NAALADL2: variants seen among roughly 807,000 people sequenced by gnomAD.
NAALADL2 encodes the protein inactive N-acetylated-alpha-linked acidic dipeptidase-like protein 2.
A neutral mutation model predicts 87.2 loss-of-function variants in NAALADL2; 76 were observed. That is an observed-to-expected ratio of 0.87 (90% CI 0.72 to 1.05). NAALADL2 has a LOEUF of 1.05. Among genes scored for constraint, NAALADL2 ranks in the 50% least tolerant of loss-of-function variants. The pLI, the probability that NAALADL2 is intolerant of heterozygous loss-of-function variation, is 0.00. For synonymous variants in NAALADL2, 354 were observed against 331.0 expected (o/e 1.07, Z -0.75); for missense variants, 1,089 against 945.8 (o/e 1.15, Z -1.99).
chr3:175,106,635 A>G (rs1723204843), intron 2 of NAALADL2, among the ~76,000 whole-genome samples: 1 of 152,086 alleles, frequency 6.6e-6, no homozygotes, highest in African/African-American at 2.4e-5. Flanking sequence ...GGTAATGATC[A>G]CATTCAGTAG....
intron 1 of NAALADL2, among the ~76,000 whole-genome samples, chr3:174,467,135 G>A (rs555834021): frequency 2.0e-5 from 3 of 152,092 alleles, no homozygotes; most frequent in African/African-American, 4.8e-5. Context: ...TTGCTAATGG[G>A]AGTAAAAAGT....
intron 2 of NAALADL2, among the ~76,000 whole-genome samples, chr3:174,723,982 A>G (rs372761038): frequency 5.9e-5 from 9 of 152,038 alleles, no homozygotes; most frequent in African/African-American, 2.2e-4. Context: ...GTTTGTTCAT[A>G]AGTTTTTTTG....
intron 11 of NAALADL2, among the ~76,000 whole-genome samples, chr3:175,679,500 T>C (rs1582873528): frequency 1.3e-5 from 2 of 152,182 alleles, no homozygotes; most frequent in East Asian, 3.8e-4. Flanking sequence ...TTTGCTCTTC[T>C]GTATAGTCTT....
At chr3:174,520,844 C>T (rs552123020) in intron 1 of NAALADL2, among the ~76,000 whole-genome samples, 2 of 152,188 alleles carry the variant, frequency 1.3e-5, no homozygotes, top group East Asian at 3.9e-4. Flanking sequence ...CTACAAGGAA[C>T]TCAACAAGAA....
At chr3:174,775,621 T>C (rs1578876436) in intron 3 of NAALADL2, among the ~76,000 whole-genome samples, 1 of 151,636 alleles carries the variant, frequency 6.6e-6, no homozygotes, top group African/African-American at 2.4e-5. Flanking sequence ...AGGAAAAGAG[T>C]GGAAGCAGGA....
At chr3:175,767,274 A>G (rs1748836934) in intron 13 of NAALADL2, among the ~76,000 whole-genome samples, 2 of 152,202 alleles carry the variant, frequency 1.3e-5, no homozygotes, top group Admixed American at 1.3e-4. Flanking sequence ...GAAGTTTATA[A>G]GGGCAATAAT....
intron 9 of NAALADL2, among the ~76,000 whole-genome samples, chr3:175,484,274 A>G (rs1299033055): frequency 6.6e-6 from 1 of 152,172 alleles, no homozygotes; most frequent in Non-Finnish European, 1.5e-5. Context: ...GAGCAGCATT[A>G]TAATCAGTAT....
chr3:175,153,660 A>G (rs1033126331), intron 2 of NAALADL2, among the ~76,000 whole-genome samples: 1 of 152,208 alleles, frequency 6.6e-6, no homozygotes, highest in African/African-American at 2.4e-5. Flanking sequence ...GATAGAAGAG[A>G]TCACCACTCA....
intron 10 of NAALADL2, among the ~76,000 whole-genome samples, chr3:175,586,771 C>G (rs2149589595): frequency 6.6e-6 from 1 of 152,238 alleles, no homozygotes; most frequent in Admixed American, 6.5e-5. Context: ...CAAATAATTT[C>G]TAATTAATGA....
chr3:174,737,949 G>T (rs575397639), intron 3 of NAALADL2, among the ~76,000 whole-genome samples: 2 of 151,898 alleles, frequency 1.3e-5, no homozygotes, highest in South Asian at 4.2e-4. Flanking sequence ...CATTTTCTTT[G>T]GGTAGCATTA....
intron 1 of NAALADL2, among the ~76,000 whole-genome samples, chr3:174,518,065 AATGT>A (rs1372286856): frequency 3.9e-5 from 6 of 152,054 alleles, no homozygotes; most frequent in Non-Finnish European, 5.9e-5. Flanking sequence ...AAAACTGGAG[AATGT>A]ATGCCCTATT....
chr3:174,828,167 CACACAACACA>C (rs141062835), intron 3 of NAALADL2, among the ~76,000 whole-genome samples: 249 of 151,694 alleles, frequency 1.6e-3, no homozygotes, highest in African/African-American at 5.8e-3. Flanking sequence ...AAACCAACCA[CACACAACACA>C]ACACAACACA....
At chr3:175,759,523 C>T (rs933056670) in intron 13 of NAALADL2, among the ~76,000 whole-genome samples, 1 of 151,550 alleles carries the variant, frequency 6.6e-6, no homozygotes, top group African/African-American at 2.4e-5. Context: ...ATGCCTGGCT[C>T]ATTTTTGTAT....
intron 5 of NAALADL2, among the ~76,000 whole-genome samples, chr3:175,410,583 G>C (rs1432908863): frequency 7.1e-6 from 1 of 140,980 alleles, no homozygotes; most frequent in Non-Finnish European, 1.5e-5. Context: ...TGCTCTTACA[G>C]AGCTTCTAGT....
intron 4 of NAALADL2, among the ~76,000 whole-genome samples, chr3:175,307,565 C>A (rs949237162): frequency 6.6e-6 from 1 of 152,096 alleles, no homozygotes; most frequent in Non-Finnish European, 1.5e-5. Flanking sequence ...GCATATATTT[C>A]TTTAACACTG....
intron 5 of NAALADL2, among the ~76,000 whole-genome samples, chr3:175,441,993 G>A (rs921255611): frequency 1.3e-5 from 2 of 151,944 alleles, no homozygotes; most frequent in Non-Finnish European, 2.9e-5. Flanking sequence ...CCAGATTAGA[G>A]TGCAGTGGTG....
At chr3:175,310,199 C>T (rs7625870) in intron 4 of NAALADL2, among the ~76,000 whole-genome samples, 101,064 of 152,026 alleles carry the variant, frequency 0.66, 35,332 homozygotes, top group African/African-American at 0.89. Flanking sequence ...AGGAGAATTA[C>T]ATATAAACAT....
chr3:175,557,398 C>A (rs1364791275), intron 9 of NAALADL2, among the ~76,000 whole-genome samples: 1 of 152,128 alleles, frequency 6.6e-6, no homozygotes, highest in Non-Finnish European at 1.5e-5. Flanking sequence ...GTGTTAAACA[C>A]AATCCAATTA....
chr3:174,906,719 G>A (rs1159533096), intron 1 of NAALADL2, among the ~76,000 whole-genome samples: 2 of 152,042 alleles, frequency 1.3e-5, no homozygotes, highest in Non-Finnish European at 2.9e-5. Context: ...GAGAAACCTT[G>A]ATCCAGAAGC....
Sources: allele counts gnomAD v4.1 joint callset (sites outside exome capture counted in the v4.1 genomes callset), GRCh38; gene constraint gnomAD v4.1.1; transcripts MANE v1.5; gene names NCBI Gene and HGNC (gene_info 2026-07-23, HGNC 2026-07-21).